ZNF839: variants seen among roughly 807,000 people sequenced by gnomAD.
ZNF839 encodes the protein zinc finger protein 839.
A neutral mutation model predicts 56.4 loss-of-function variants in ZNF839; 38 were observed. The observed-to-expected ratio is 0.67, with a 90% CI of 0.52 to 0.88. The LOEUF (loss-of-function observed/expected upper bound fraction) is 0.88, where lower values mean the gene tolerates loss of function less well. Among genes scored for constraint, ZNF839 ranks in the 40% least tolerant of loss-of-function variants. ZNF839 has a pLI of 0.00. For synonymous variants in ZNF839, 486 were observed against 493.5 expected (o/e 0.98, Z 0.20); for missense variants, 1,091 against 1,177.6 (o/e 0.93, Z 1.08).
Position 102,328,153 on chromosome 14 carries a change from G to A in ZNF839, c.1191+1266G>A, listed in dbSNP as rs191978653. Among the ~76,000 whole-genome samples the A allele has an allele frequency of 1.6e-3, 235 of 151,390 alleles. 1 individual carries two copies. The highest frequency in any genetic ancestry group is 5.5e-3 in the African/African-American group (226 of 41,276). Reference sequence around the variant, plus strand: ...GCGGATCACCTCAGGTGACGAGTTCGAGACCAGCCTGGCCAACATGGTGAA... The same window carrying A: ...GCGGATCACCTCAGGTGACGAGTTCAAGACCAGCCTGGCCAACATGGTGAA... On this transcript the variant is annotated intron_variant, in intron 2 of 7. Transcript: ENST00000442396.
rs1197718891 is a variant in ZNF839, at chr14:102,328,375, A to AAATAT, written c.1191+1489_1191+1490insATATA. Among the ~76,000 whole-genome samples the AAATAT allele has an allele frequency of 1.8e-3, 30 of 16,346 alleles. 1 individual carries two copies. The highest frequency in any genetic ancestry group is 3.1e-3 in the Non-Finnish European group (23 of 7,350). The allele number at this position is 16,346 out of a possible 152,430, so 10.7% of individuals were successfully genotyped here. A position where few individuals can be genotyped will look rare whatever the true frequency, so the allele number is the denominator to read the frequency against. ...ATCTCAAAAAAAAAAAAAAAAAAAA[A>AAATAT]ATATATATATATATATATATATATA... On this transcript the variant is annotated intron_variant, in intron 2 of 7. Transcript: ENST00000442396.
At chr14:102,323,039 C>T (rs1308459142) in intron 1 of ZNF839, among the ~76,000 whole-genome samples, 1 of 152,226 alleles carries the variant, frequency 6.6e-6, no homozygotes, top group African/African-American at 2.4e-5. Context: ...GAGAGACACA[C>T]TCCAGCTTGA....
Position 102,339,209 on chromosome 14 carries a change from A to G in ZNF839, c.1913A>G (p.His638Arg), listed in dbSNP as rs901012812. ...GGCCGGGAGAAGCCCAGGCCCTTGC[A>G]TGCTTTGGCCGCTGGTGAGGGTAAA... The part of the protein sequence containing the change: ...SRGREKPRPL[H>R]ALAAGFSPPV... Residue 638 changes from histidine (H) to arginine (R), a missense_variant, in exon 7 of 8, where the codon CAT becomes CGT. His to Arg is a conservative substitution (Grantham distance 29). Transcript: ENST00000442396. 5 of 1,611,456 alleles carry G rather than the reference A, an allele frequency of 3.1e-6. No homozygotes were observed. Among genetic ancestry groups the G allele is most frequent in the Non-Finnish European group, 3.4e-6 (4 of 1,178,830 alleles).
At chr14:102,327,352 G>A (rs1369945329) in intron 2 of ZNF839, among the ~76,000 whole-genome samples, 1 of 151,796 alleles carries the variant, frequency 6.6e-6, no homozygotes, top group Non-Finnish European at 1.5e-5. Flanking sequence ...TGTTGGCCAG[G>A]CTGGTCTTGA....
chr14:102,321,498 T>C (rs1040059336), intron 1 of ZNF839, among the ~76,000 whole-genome samples: 8 of 152,238 alleles, frequency 5.3e-5, no homozygotes, highest in Non-Finnish European at 1.2e-4. Flanking sequence ...GATTGTATTT[T>C]GTAGCTAATC....
At chr14:102,339,252 T>C (rs779146554) in intron 7 of ZNF839, 29 bp downstream of exon 7, 2 of 1,603,446 alleles carry the variant, frequency 1.2e-6, no homozygotes, top group East Asian at 2.2e-5. Flanking sequence ...TTGTGGGGTG[T>C]ATCCATGGCC....
At position 102,338,808 on chromosome 14, in the gene ZNF839, C is replaced by T; in HGVS notation, c.1660-8C>T. 6.2e-7 allele frequency: 1 copy of T among 1,613,514 alleles called. No homozygotes were observed. ...TGAAGTTTATTCTCTTGGCCCATTT[C>T]TTTTCAGGTTGCTGAGTCATTAGGA... On this transcript the variant is annotated splice_region_variant and splice_polypyrimidine_tract_variant and intron_variant, in intron 5 of 7. Transcript: ENST00000442396.
intron 2 of ZNF839, among the ~76,000 whole-genome samples, 182 bp downstream of exon 2, chr14:102,327,069 C>T (rs1185100248): frequency 3.9e-5 from 6 of 151,960 alleles, no homozygotes; most frequent in Non-Finnish European, 7.4e-5. Context: ...AACAGAGTCA[C>T]GGTGAAGGCA....
At chr14:102,333,110 G>C (rs749532939) in intron 3 of ZNF839, among the ~76,000 whole-genome samples, 1 of 152,068 alleles carries the variant, frequency 6.6e-6, no homozygotes, top group Non-Finnish European at 1.5e-5. Context: ...AAAGATTTTT[G>C]AAAGTCTTAA....
intron 2 of ZNF839, 77 bp from the exon 3 acceptor site, chr14:102,331,545 C>A: frequency 7.6e-7 from 1 of 1,309,770 alleles, no homozygotes. Flanking sequence ...CCACGGCGCC[C>A]GGCCACTAAA....
chr14:102,331,751 G>A lies in ZNF839; in HGVS notation c.1321G>A (p.Ala441Thr), dbSNP rs201015963. 70 of 1,604,036 alleles carry A rather than the reference G, an allele frequency of 4.4e-5. No homozygotes were observed. The highest frequency in any genetic ancestry group is 5.6e-5 in the Non-Finnish European group (66 of 1,175,404). The change falls in exon 3 of 8, where the codon GCT becomes ACT. Residue 441 changes from alanine (A) to threonine (T), a missense_variant. By Grantham distance (58) the Ala-to-Thr change is moderately conservative (BLOSUM62 0). Coordinates refer to ENST00000442396, the MANE Select transcript of ZNF839 (RefSeq NM_018335.6). ...AGAGACCCTTGCAGAGTCCCGCACA[G>A]CTGTCCTCCAGCAGAGAAGAGCTGC... Reference protein sequence around the residue: ...CSETLAESRTAVLQQRRAAQL... With the variant: ...CSETLAESRTTVLQQRRAAQL...
chr14:102,333,312 G>A (rs1010673399), intron 3 of ZNF839, among the ~76,000 whole-genome samples: 3 of 145,226 alleles, frequency 2.1e-5, no homozygotes, highest in African/African-American at 5.2e-5. Flanking sequence ...ACCCAGGAGC[G>A]TAGTGGCTCA....
chr14:102,320,286 A>G (rs1270770628), intron 1 of ZNF839, among the ~76,000 whole-genome samples: 1 of 152,116 alleles, frequency 6.6e-6, no homozygotes, highest in African/African-American at 2.4e-5. Flanking sequence ...TGTGCCTGGA[A>G]CGCCCTCGTG....
At chr14:102,333,057 C>A (rs2073859204) in intron 3 of ZNF839, among the ~76,000 whole-genome samples, 1 of 152,204 alleles carries the variant, frequency 6.6e-6, no homozygotes, top group African/African-American at 2.4e-5. Context: ...CCCACCTTCT[C>A]CCACTTCCTG....
intron 1 of ZNF839, among the ~76,000 whole-genome samples, chr14:102,321,374 ACTC>A (rs1419483565): frequency 6.6e-6 from 1 of 151,904 alleles, no homozygotes; most frequent in African/African-American, 2.4e-5. Flanking sequence ...TAGCCCCTGT[ACTC>A]CTCACCATAC....
At chr14:102,329,909 T>G (rs2073690610) in intron 2 of ZNF839, among the ~76,000 whole-genome samples, 1 of 149,124 alleles carries the variant, frequency 6.7e-6, no homozygotes, top group Admixed American at 6.8e-5. Context: ...TTCTCCTGCC[T>G]CAGCCTCCCG....
intron 3 of ZNF839, among the ~76,000 whole-genome samples, chr14:102,333,441 T>G (rs1185894671): frequency 6.6e-6 from 1 of 151,958 alleles, no homozygotes; most frequent in Non-Finnish European, 1.5e-5. Flanking sequence ...TTTTTAATTT[T>G]TTTTAGAGAC....
intron 2 of ZNF839, among the ~76,000 whole-genome samples, chr14:102,329,025 A>C (rs1388867659): frequency 1.3e-5 from 2 of 148,948 alleles, no homozygotes; most frequent in Non-Finnish European, 3.0e-5. Flanking sequence ...GCTGGAGTGC[A>C]GTGGCGCGAT....
In ZNF839 at chr14:102,332,159, GTC is replaced by G. The variant is rs2073817351; in HGVS notation, c.1416+316_1416+317del. The stretch of plus-strand genomic sequence containing the variant: ...AAACCATTCTTTTTTTTTAGACGGA[GTC>G]TCACACTGTCATCCAGGCTGGAGTG... On this transcript the variant is annotated intron_variant, in intron 3 of 7. Transcript: ENST00000442396. The surrounding 1 kb of genome is among the most constrained non-coding windows in gnomAD (Gnocchi z 4.9). Among the ~76,000 whole-genome samples the G allele has an allele frequency of 6.6e-6, 1 of 151,962 alleles. No homozygotes were observed. Among genetic ancestry groups the G allele is most frequent in the African/African-American group, 2.4e-5 (1 of 41,378 alleles).
Sources: allele counts gnomAD v4.1 joint callset (sites outside exome capture counted in the v4.1 genomes callset), GRCh38; gene constraint gnomAD v4.1.1; non-coding constraint Gnocchi (gnomAD v3.1); transcripts MANE v1.5; gene names NCBI Gene and HGNC (gene_info 2026-07-23, HGNC 2026-07-21).